TNKS2: variants seen among roughly 807,000 people sequenced by gnomAD.
The protein encoded by TNKS2 is poly [ADP-ribose] polymerase tankyrase-2.
Under a neutral mutation model 137.6 loss-of-function variants are expected in TNKS2, and 72 were observed. The ratio of observed to expected loss-of-function variants is 0.52; its 90% CI spans 0.43 to 0.64. TNKS2 has a LOEUF of 0.64. Among genes scored for constraint, TNKS2 ranks in the 30% least tolerant of loss-of-function variants. The pLI is 0.00. For synonymous variants in TNKS2, 516 were observed against 512.1 expected (o/e 1.01, Z -0.10); for missense variants, 1,049 against 1,410.2 (o/e 0.74, Z 4.10).
intron 8 of TNKS2, among the ~76,000 whole-genome samples, chr10:91,827,739 TAAAG>T (rs1220901301): frequency 2.6e-5 from 4 of 152,212 alleles, no homozygotes; most frequent in Non-Finnish European, 4.4e-5. Flanking sequence ...CCTGGAATAA[TAAAG>T]AATGATTGGT....
rs183458370 is a variant in TNKS2, at chr10:91,839,538, C to T, written c.1528-1023C>T. ...AACTCCTGACCTCAAGTGATCTGCCCGCCTCAGCCTCCCAAAGTGCTGTGA... is the reference window on the plus strand; with the variant it reads ...AACTCCTGACCTCAAGTGATCTGCCTGCCTCAGCCTCCCAAAGTGCTGTGA... On this transcript the variant is annotated intron_variant, in intron 13 of 26. Transcript: ENST00000371627. 2.2e-3 allele frequency among the ~76,000 whole-genome samples: 331 copies of T among 152,066 alleles called. 3 individuals are homozygous for T. The highest frequency in any genetic ancestry group is 7.3e-3 in the African/African-American group (301 of 41,470).
chr10:91,857,974 A>G (rs1304876452), intron 24 of TNKS2, among the ~76,000 whole-genome samples: 1 of 152,220 alleles, frequency 6.6e-6, no homozygotes, highest in East Asian at 1.9e-4. Flanking sequence ...GAGGTTTCTG[A>G]TGACTGTAGA....
At chr10:91,805,145 G>A in intron 1 of TNKS2, among the ~76,000 whole-genome samples, 2 of 150,394 alleles carry the variant, frequency 1.3e-5, no homozygotes, top group African/African-American at 2.5e-5. Context: ...CCTATTGACT[G>A]CCTCCAAATA....
chr10:91,798,579 G>T lies in TNKS2; in HGVS notation c.-112G>T. 1.7e-6 allele frequency: 2 copies of T among 1,159,182 alleles called. No homozygotes were observed. Among genetic ancestry groups the T allele is most frequent in the Non-Finnish European group, 2.1e-6 (2 of 931,836 alleles). The allele number at this position is 1,159,182 out of a possible 1,614,324, so 71.8% of individuals were successfully genotyped here. A position where few individuals can be genotyped will look rare whatever the true frequency, so the allele number is the denominator to read the frequency against. On this transcript the variant is annotated 5_prime_UTR_variant, in exon 1 of 27. Transcript: ENST00000371627. The stretch of plus-strand genomic sequence containing the variant: ...ATCCGGTGACAGCAGGGAGCCAAGC[G>T]GCCCGGGCCCTGAGCGCGTCTTCTC...
Position 91,863,649 on chromosome 10 carries a change from CTCATT to C in TNKS2, c.*652_*656del, listed in dbSNP as rs1842909486. ...CCTTTATCTGTCATTAGAAATCTTT[CTCATT>C]TAAGAACTTATGAATATGCTGAAGA... On this transcript the variant is annotated 3_prime_UTR_variant, in exon 27 of 27. Coordinates refer to ENST00000371627, the MANE Select transcript of TNKS2 (RefSeq NM_025235.4). 6.6e-6 allele frequency: 1 copy of C among 152,118 alleles called. No homozygotes were observed. Among genetic ancestry groups the C allele is most frequent in the Non-Finnish European group, 1.5e-5 (1 of 68,008 alleles). 9.4% of individuals were successfully genotyped at this position (152,118 alleles called of 1,614,324 possible). A position where few individuals can be genotyped will look rare whatever the true frequency, so the allele number is the denominator to read the frequency against.
rs1845095857 is a variant in TNKS2, at chr10:91,827,179, C to G, written c.958C>G (p.Pro320Ala). ...AAGTGCTATAGACTTGGCTCCCACA[C>G]CACAGTTAAAAGAAAGATTAGCATG... ...NKSAIDLAPT[P>A]QLKERLAYEF... Residue 320 changes from proline to alanine, a missense_variant, in exon 8 of 27, where the codon CCA becomes GCA. Physicochemically the swap from Pro to Ala is conservative, Grantham distance 27. Transcript: ENST00000371627. The G allele has an allele frequency of 6.4e-7, 1 of 1,564,370 alleles. No homozygotes were observed. The highest frequency in any genetic ancestry group is 1.7e-4 in the Middle Eastern group (1 of 5,868).
At position 91,798,540 on chromosome 10, in the gene TNKS2, T is replaced by C. The variant is rs984985314; in HGVS notation, c.-151T>C. On this transcript the variant is annotated 5_prime_UTR_variant, in exon 1 of 27. An upstream start codon of the reference 5' UTR is lost. Transcript: ENST00000371627. ...CGAGGGGCGCGCGTGGGCGCGGCCATGGGACTGCGCCGGATCCGGTGACAG... is the reference window on the plus strand; with the variant it reads ...CGAGGGGCGCGCGTGGGCGCGGCCACGGGACTGCGCCGGATCCGGTGACAG... 4 of 933,834 alleles carry C rather than the reference T, an allele frequency of 4.3e-6. No homozygotes were observed. The highest frequency in any genetic ancestry group is 5.5e-6 in the Non-Finnish European group (4 of 729,568). 57.8% of individuals were successfully genotyped at this position (933,834 alleles called of 1,614,324 possible). A position where few individuals can be genotyped will look rare whatever the true frequency, so the allele number is the denominator to read the frequency against.
intron 1 of TNKS2, 61 bp downstream of exon 1, chr10:91,798,950 C>T: frequency 7.6e-7 from 1 of 1,307,844 alleles, no homozygotes. Flanking sequence ...CCGGGGCCCA[C>T]AGGTCTGAAA....
chr10:91,849,679 A>G, intron 20 of TNKS2, 85 bp downstream of exon 20: 4 of 1,032,846 alleles, frequency 3.9e-6, no homozygotes, highest in Middle Eastern at 4.3e-4. Context: ...GAGCTGAACC[A>G]TGTAAGCTAT....
chr10:91,830,615 A>G (rs184140966), intron 9 of TNKS2, among the ~76,000 whole-genome samples: 1 of 152,214 alleles, frequency 6.6e-6, no homozygotes, highest in Non-Finnish European at 1.5e-5. Context: ...ACTTGGAAAC[A>G]GTTTTGAAAA....
chr10:91,828,556 T>C (rs974251025), intron 9 of TNKS2, 150 bp downstream of exon 9: 6 of 843,096 alleles, frequency 7.1e-6, no homozygotes, highest in African/African-American at 3.6e-5. Context: ...ATTTAAACAG[T>C]ACCAAAAAAT....
At position 91,833,842 on chromosome 10, in the gene TNKS2, G is replaced by C. The variant is rs980087442; in HGVS notation, c.1276-11G>C. ...TTGCGGGCTAATTTCAATTTTTTCT[G>C]CTTTGTTAAGGTTAATGCTCTGGAT... On this transcript the variant is annotated splice_polypyrimidine_tract_variant and intron_variant, in intron 11 of 26. Transcript: ENST00000371627. 3.9e-6 allele frequency: 6 copies of C among 1,556,682 alleles called. No individual in the cohort carries two copies. Among genetic ancestry groups the C allele is most frequent in the South Asian group, 3.7e-5 (3 of 81,926 alleles).
At chr10:91,845,105 T>A in intron 17 of TNKS2, 77 bp downstream of exon 17, 1 of 884,458 alleles carries the variant, frequency 1.1e-6, no homozygotes, top group Non-Finnish European at 1.8e-6. Flanking sequence ...AAATGGAATG[T>A]AGTTTGATGT....
intron 1 of TNKS2, among the ~76,000 whole-genome samples, chr10:91,800,645 A>T (rs78491345): frequency 0.013 from 1,926 of 152,244 alleles, 20 homozygotes; most frequent in Non-Finnish European, 0.02. Context: ...CAACTTACCC[A>T]AATTATCAGG....
At chr10:91,849,407 T>G (rs1326743283) in intron 19 of TNKS2, 105 bp from the exon 20 acceptor site, 1 of 807,974 alleles carries the variant, frequency 1.2e-6, no homozygotes, top group Non-Finnish European at 1.9e-6. Flanking sequence ...CTATTAATAT[T>G]ATTTTCTTCA....
chr10:91,821,102 A>G (rs1844875517), intron 6 of TNKS2, among the ~76,000 whole-genome samples: 2 of 152,088 alleles, frequency 1.3e-5, no homozygotes, highest in Admixed American at 1.3e-4. Context: ...CAGTGGCGCG[A>G]TCGTGGTTCA....
chr10:91,851,401 C>G (rs748806154), intron 21 of TNKS2, 65 bp downstream of exon 21: 129 of 1,508,192 alleles, frequency 8.6e-5, no homozygotes, highest in Non-Finnish European at 1.1e-4. Flanking sequence ...CCTCAGTGTA[C>G]TAAGTTATAA....
chr10:91,847,413 GT>G (rs1186094764), intron 18 of TNKS2, among the ~76,000 whole-genome samples: 6 of 151,998 alleles, frequency 3.9e-5, no homozygotes, highest in Non-Finnish European at 8.8e-5. Context: ...CACCCAGACT[GT>G]AGTGCAGTGG....
chr10:91,822,117 C>A (rs764331102), intron 6 of TNKS2, among the ~76,000 whole-genome samples, 179 bp from the exon 7 acceptor site: 1 of 152,120 alleles, frequency 6.6e-6, no homozygotes, highest in Non-Finnish European at 1.5e-5. Context: ...CTTGGGAGTT[C>A]AAATTCTTAG....
Sources: gnomAD v4.1 joint callset for allele counts (sites outside exome capture counted in the v4.1 genomes callset) on GRCh38, gnomAD v4.1.1 for gene constraint, MANE v1.5 for transcripts, NCBI Gene and HGNC (gene_info 2026-07-23, HGNC 2026-07-21) for gene names.